Variants in FERRY3 observed in about 807,000 individuals in gnomAD.
FERRY3 encodes the protein protein C12orf4.
the FERRY3 span, among the ~76,000 whole-genome samples, chr12:4,522,177 A>G: frequency 6.6e-6 from 1 of 152,194 alleles, no homozygotes; most frequent in Non-Finnish European, 1.5e-5. Context: ...AAATCTTAGT[A>G]CCTTCCTCTC....
the FERRY3 span, among the ~76,000 whole-genome samples, chr12:4,519,369 T>C: frequency 6.6e-6 from 1 of 152,198 alleles, no homozygotes; most frequent in Admixed American, 6.5e-5. The surrounding 1 kb of genome is among the most constrained non-coding windows in gnomAD (Gnocchi z 4.3). Context: ...TACCATTTCT[T>C]GTTTGTTTTC....
the FERRY3 span, among the ~76,000 whole-genome samples, chr12:4,510,796 A>G: frequency 1.4e-5 from 2 of 147,860 alleles, no homozygotes; most frequent in Admixed American, 6.7e-5. Flanking sequence ...AAATCATGCC[A>G]AAATGTAAAG....
At chr12:4,513,395 T>G in the FERRY3 span, among the ~76,000 whole-genome samples, 1 of 151,880 alleles carries the variant, frequency 6.6e-6, no homozygotes, top group African/African-American at 2.4e-5. Context: ...AAAAACTACT[T>G]TAAAGTTCAT....
the FERRY3 span, among the ~76,000 whole-genome samples, chr12:4,523,946 C>A: frequency 1.3e-5 from 2 of 151,608 alleles, no homozygotes; most frequent in Non-Finnish European, 2.9e-5. Flanking sequence ...TACCCTAGAA[C>A]TTAAAGTATA....
the FERRY3 span, among the ~76,000 whole-genome samples, chr12:4,508,446 A>T: frequency 6.6e-6 from 1 of 152,218 alleles, no homozygotes; most frequent in African/African-American, 2.4e-5. Flanking sequence ...GGTTTTTATA[A>T]GAAATAATTA....
the FERRY3 span, among the ~76,000 whole-genome samples, chr12:4,492,493 G>T: frequency 6.6e-6 from 1 of 152,124 alleles, no homozygotes; most frequent in East Asian, 1.9e-4. Context: ...AATTCTTTAC[G>T]TGACATCATC....
At chr12:4,505,071 C>T in the FERRY3 span, among the ~76,000 whole-genome samples, 1 of 152,196 alleles carries the variant, frequency 6.6e-6, no homozygotes, top group South Asian at 2.1e-4. Context: ...CACCACTGTG[C>T]TCCAGCCTGG....
At chr12:4,528,900 CA>C in the FERRY3 span, among the ~76,000 whole-genome samples, 280 of 91,942 alleles carry the variant, frequency 3.0e-3, 1 homozygote, top group African/African-American at 9.1e-3. Flanking sequence ...ATCAGTTACA[CA>C]CACACACACA....
At chr12:4,515,779 A>T in the FERRY3 span, among the ~76,000 whole-genome samples, 3 of 152,188 alleles carry the variant, frequency 2.0e-5, no homozygotes, top group South Asian at 6.2e-4. Context: ...CTTGAAATTC[A>T]TTAAGAGGAC....
the FERRY3 span, chr12:4,536,134 CTTTAAA>C: frequency 9.3e-6 from 15 of 1,604,684 alleles, no homozygotes; most frequent in African/African-American, 2.7e-5. Flanking sequence ...TGACTTCCTA[CTTTAAA>C]TTTATATACA....
At chr12:4,529,901 T>C in the FERRY3 span, 1 of 1,599,348 alleles carries the variant, frequency 6.3e-7, no homozygotes, top group Non-Finnish European at 8.5e-7. Flanking sequence ...CCACATCTCT[T>C]TCACCAATCA....
At chr12:4,505,280 A>G in the FERRY3 span, 9 of 1,403,686 alleles carry the variant, frequency 6.4e-6, no homozygotes, top group Admixed American at 1.6e-4. Context: ...AGAAAACAGT[A>G]ATTTAAAATA....
chr12:4,516,603 T>G, the FERRY3 span, among the ~76,000 whole-genome samples: 2 of 152,132 alleles, frequency 1.3e-5, no homozygotes, highest in Admixed American at 1.3e-4. Flanking sequence ...AGCAAACTAA[T>G]GCAGGAACAG....
the FERRY3 span, among the ~76,000 whole-genome samples, chr12:4,519,303 A>G: frequency 1.1e-4 from 16 of 151,830 alleles, no homozygotes; most frequent in African/African-American, 3.7e-4. This position sits in a 1 kb window ranked among gnomAD's most constrained non-coding sequence, Gnocchi z 4.3. Flanking sequence ...AAAGTCAAAT[A>G]AAGTAGATAA....
At chr12:4,536,987 A>G in the FERRY3 span, among the ~76,000 whole-genome samples, 1 of 152,198 alleles carries the variant, frequency 6.6e-6, no homozygotes, top group East Asian at 1.9e-4. Flanking sequence ...ATCCGCTTAA[A>G]AACTTTCTAT....
At chr12:4,531,083 T>C in the FERRY3 span, among the ~76,000 whole-genome samples, 1 of 152,088 alleles carries the variant, frequency 6.6e-6, no homozygotes, top group African/African-American at 2.4e-5. Context: ...ACACATCACA[T>C]AAACAGCTAT....
At chr12:4,518,679 G>A in the FERRY3 span, 7 of 814,628 alleles carry the variant, frequency 8.6e-6, no homozygotes, top group East Asian at 3.1e-5. Context: ...GCAACATAGC[G>A]AAACCTTTTC....
At chr12:4,492,560 T>C in the FERRY3 span, among the ~76,000 whole-genome samples, 1 of 152,236 alleles carries the variant, frequency 6.6e-6, no homozygotes, top group South Asian at 2.1e-4. Flanking sequence ...CGTTTACCTA[T>C]TGTTGTAATT....
At chr12:4,535,961 G>T in the FERRY3 span, 1 of 1,360,484 alleles carries the variant, frequency 7.4e-7, no homozygotes, top group South Asian at 1.7e-5. This position sits in a 1 kb window ranked among gnomAD's most constrained non-coding sequence, Gnocchi z 4.0. Flanking sequence ...AACTTCCAAT[G>T]ACAGACTATT....
Sources: gnomAD v4.1 joint callset for allele counts (sites outside exome capture counted in the v4.1 genomes callset) on GRCh38, gnomAD v4.1.1 for gene constraint, Gnocchi (gnomAD v3.1) non-coding constraint, MANE v1.5 for transcripts, NCBI Gene and HGNC (gene_info 2026-07-23, HGNC 2026-07-21) for gene names.